TUSC3: variants seen among roughly 807,000 people sequenced by gnomAD.
TUSC3 encodes the protein dolichyl-diphosphooligosaccharide--protein glycosyltransferase subunit TUSC3.
In TUSC3, 45 loss-of-function variants were observed where a neutral mutation model predicts 44.8. The ratio of observed to expected loss-of-function variants is 1.00; its 90% CI spans 0.79 to 1.29. TUSC3 has a LOEUF of 1.29. TUSC3 is among the 50% of genes most tolerant of loss of function. The pLI is 0.00. For synonymous variants in TUSC3, 212 were observed against 152.9 expected, an observed-to-expected ratio of 1.39 and a Z score of -2.85; for missense variants, 519 against 437.9, an observed-to-expected ratio of 1.19 and a Z score of -1.65.
At chr8:15,562,143 C>A (rs1802499060) in intron 1 of TUSC3, among the ~76,000 whole-genome samples, 1 of 152,104 alleles carries the variant, frequency 6.6e-6, no homozygotes, top group African/African-American at 2.4e-5. Flanking sequence ...ATAAGAACTT[C>A]CCGGCATTTT....
At chr8:15,585,492 A>G (rs1297050240) in intron 1 of TUSC3, among the ~76,000 whole-genome samples, 2 of 152,060 alleles carry the variant, frequency 1.3e-5, no homozygotes, top group Non-Finnish European at 2.9e-5. Flanking sequence ...GACCTGGGAG[A>G]GGGTTGTGTT....
At position 15,748,318 on chromosome 8, in the gene TUSC3, A is replaced by T. The variant is rs770545319; in HGVS notation, c.938-57A>T. 11 of 1,267,514 alleles carry T rather than the reference A, an allele frequency of 8.7e-6. No homozygotes were observed. The East Asian group carries it at 2.3e-4, about 27-fold the overall frequency. The allele number at this position is 1,267,514 out of a possible 1,614,324, so 78.5% of individuals were successfully genotyped here. The stretch of plus-strand genomic sequence containing the variant: ...TTGAATGCATTTAAAAATATAAACA[A>T]TTGGGGTTTCATTTGCATATTTTTA... On this transcript the variant is annotated intron_variant, in intron 8 of 10. Transcript: ENST00000503731.
chr8:15,795,107 A>G, the TUSC3 span, among the ~76,000 whole-genome samples: 3 of 152,138 alleles, frequency 2.0e-5, no homozygotes, highest in Non-Finnish European at 4.4e-5. Flanking sequence ...GCTATTACCA[A>G]CAAGATTCCA....
At chr8:15,784,034 G>A in the TUSC3 span, among the ~76,000 whole-genome samples, 1 of 151,988 alleles carries the variant, frequency 6.6e-6, no homozygotes, top group African/African-American at 2.4e-5. Flanking sequence ...TTAAAAATGG[G>A]CAATGGACCC....
intron 1 of TUSC3, among the ~76,000 whole-genome samples, chr8:15,442,092 C>A (rs927390902): frequency 6.6e-6 from 1 of 152,102 alleles, no homozygotes; most frequent in Admixed American, 6.5e-5. Flanking sequence ...AACACTGACT[C>A]CAAACTATTA....
At chr8:15,842,980 T>C in the TUSC3 span, among the ~76,000 whole-genome samples, 1 of 152,204 alleles carries the variant, frequency 6.6e-6, no homozygotes, top group Non-Finnish European at 1.5e-5. Flanking sequence ...TGAATGATTA[T>C]TGTTGTTATA....
rs144066260 is a variant in TUSC3, at chr8:15,710,074, T to C, written c.799-20592T>C. Among the ~76,000 whole-genome samples, 492 of 151,956 alleles carry C rather than the reference T, an allele frequency of 3.2e-3. 3 individuals are homozygous for C. The highest frequency in any genetic ancestry group is 0.011 in the African/African-American group (439 of 41,506). ...CTTATCTACAGTCTATACTGTTTTT[T>C]ACCTTAGTGCGCTCCCCTCCCTGCC... On this transcript the variant is annotated intron_variant, in intron 6 of 10. Coordinates refer to ENST00000503731, the MANE Select transcript of TUSC3 (RefSeq NM_006765.4).
chr8:15,578,846 G>C (rs142295191), intron 1 of TUSC3, among the ~76,000 whole-genome samples: 5,623 of 152,116 alleles, frequency 0.037, 125 homozygotes, highest in African/African-American at 0.062. Context: ...GAGTTAGGGA[G>C]GATTCCCTCT....
At chr8:15,789,139 T>C in the TUSC3 span, among the ~76,000 whole-genome samples, 1 of 152,212 alleles carries the variant, frequency 6.6e-6, no homozygotes, top group Non-Finnish European at 1.5e-5. Context: ...CCCAGAGTGT[T>C]AGGTAAAAAC....
chr8:15,825,524 G>A, the TUSC3 span, among the ~76,000 whole-genome samples: 1 of 152,038 alleles, frequency 6.6e-6, no homozygotes, highest in Non-Finnish European at 1.5e-5. Context: ...AGGAATTATG[G>A]GAGCTACAAT....
At chr8:15,471,373 T>G (rs897195394) in intron 1 of TUSC3, among the ~76,000 whole-genome samples, 2 of 152,210 alleles carry the variant, frequency 1.3e-5, no homozygotes, top group Non-Finnish European at 2.9e-5. Context: ...GGTTTTGTTA[T>G]ACATCTTTTC....
At chr8:15,660,350 A>G (rs542534902) in intron 4 of TUSC3, among the ~76,000 whole-genome samples, 1 of 152,212 alleles carries the variant, frequency 6.6e-6, no homozygotes, top group Non-Finnish European at 1.5e-5. Context: ...TAGGTTAGAA[A>G]AATAGTATTA....
At chr8:15,665,090 C>G (rs1349213258) in intron 5 of TUSC3, among the ~76,000 whole-genome samples, 2 of 151,504 alleles carry the variant, frequency 1.3e-5, no homozygotes, top group Non-Finnish European at 3.0e-5. Context: ...ACTAATATCT[C>G]ATTTTTCCTT....
At chr8:15,444,336 C>T (rs1800063299) in intron 1 of TUSC3, among the ~76,000 whole-genome samples, 2 of 152,160 alleles carry the variant, frequency 1.3e-5, no homozygotes, top group African/African-American at 2.4e-5. Context: ...TGAGCTTTTG[C>T]AGTAGGGGTT....
At chr8:15,567,736 G>A (rs912591945) in intron 1 of TUSC3, among the ~76,000 whole-genome samples, 2 of 152,160 alleles carry the variant, frequency 1.3e-5, no homozygotes, top group Non-Finnish European at 2.9e-5. Context: ...TTTTGTAAGT[G>A]GTTGGAATGT....
the TUSC3 span, among the ~76,000 whole-genome samples, chr8:15,789,281 G>C: frequency 6.6e-6 from 1 of 152,142 alleles, no homozygotes; most frequent in Non-Finnish European, 1.5e-5. Context: ...ACCGTAATAT[G>C]GATCTGATAT....
At chr8:15,480,531 C>T (rs1473269710) in intron 1 of TUSC3, among the ~76,000 whole-genome samples, 2 of 152,154 alleles carry the variant, frequency 1.3e-5, no homozygotes, top group Admixed American at 1.3e-4. Flanking sequence ...GAACTCTTGC[C>T]TCATGTCTGA....
At chr8:15,736,671 A>G (rs111262133) in intron 7 of TUSC3, among the ~76,000 whole-genome samples, 1,923 of 152,312 alleles carry the variant, frequency 0.013, 22 homozygotes, top group Non-Finnish European at 0.021. Flanking sequence ...TTTCACATTT[A>G]GAGAAATGTT....
chr8:15,759,462 A>G (rs754061011), intron 10 of TUSC3, among the ~76,000 whole-genome samples: 3 of 152,122 alleles, frequency 2.0e-5, no homozygotes, highest in Non-Finnish European at 4.4e-5. Context: ...TGAGAAACAG[A>G]TGGAGTCATT....
Sources: allele counts gnomAD v4.1 joint callset (sites outside exome capture counted in the v4.1 genomes callset), GRCh38; gene constraint gnomAD v4.1.1; transcripts MANE v1.5; gene names NCBI Gene and HGNC (gene_info 2026-07-23, HGNC 2026-07-21).